AHCYL2: variants seen among roughly 807,000 people sequenced by gnomAD.
AHCYL2 encodes the protein S-adenosylhomocysteine hydrolase-like protein 2.
Under a neutral mutation model 81.4 loss-of-function variants are expected in AHCYL2, and 28 were observed. That is an observed-to-expected ratio of 0.34 (90% CI 0.25 to 0.47). AHCYL2 has a LOEUF of 0.47. AHCYL2 is among the 20% of genes least tolerant of loss of function. The pLI, the probability that AHCYL2 is intolerant of heterozygous loss-of-function variation, is 1.00. For missense variants in AHCYL2, 551 were observed against 785.1 expected (o/e 0.70, Z 3.56); for synonymous variants, 272 against 290.2 (o/e 0.94, Z 0.64).
At chr7:129,424,368 C>T (rs1434143529) in intron 13 of AHCYL2, among the ~76,000 whole-genome samples, 2 of 152,092 alleles carry the variant, frequency 1.3e-5, no homozygotes, top group African/African-American at 4.8e-5. Flanking sequence ...CCATGGAACT[C>T]CAGCCTGGGC....
intron 1 of AHCYL2, among the ~76,000 whole-genome samples, chr7:129,354,273 A>G (rs1458646907): frequency 6.6e-6 from 1 of 152,150 alleles, no homozygotes; most frequent in Non-Finnish European, 1.5e-5. Flanking sequence ...GAGATAGGAG[A>G]AGATGGATGT....
At chr7:129,327,383 A>G (rs1798260766) in intron 1 of AHCYL2, among the ~76,000 whole-genome samples, 1 of 152,220 alleles carries the variant, frequency 6.6e-6, no homozygotes, top group African/African-American at 2.4e-5. Flanking sequence ...ACTGTGAGGA[A>G]TAAATGTCTG....
chr7:129,339,751 A>G (rs1227912704), intron 1 of AHCYL2, among the ~76,000 whole-genome samples: 1 of 151,784 alleles, frequency 6.6e-6, no homozygotes, highest in East Asian at 1.9e-4. Context: ...AGCTGGTCTC[A>G]AAATCCTGGC....
At position 129,397,260 on chromosome 7, in the gene AHCYL2, C is replaced by T. The variant is rs765728857; in HGVS notation, c.759C>T (p.Cys253=). 8 of 1,614,150 alleles carry T rather than the reference C, an allele frequency of 5.0e-6. No individual in the cohort carries two copies. The highest frequency in any genetic ancestry group is 6.8e-6 in the Non-Finnish European group (8 of 1,180,024). Residue 253 remains cysteine (C), a synonymous_variant, in exon 5 of 17, where the codon TGC becomes TGT. Transcript: ENST00000325006. ...METLGALGAQ[C]RWAACNIYST... ...CTCTGGGTGCTCTGGGGGCCCAGTGCCGATGGGCTGCCTGCAACATCTATT... is the reference window on the plus strand; with the variant it reads ...CTCTGGGTGCTCTGGGGGCCCAGTGTCGATGGGCTGCCTGCAACATCTATT...
At chr7:129,226,389 A>G (rs572137754) in intron 1 of AHCYL2, among the ~76,000 whole-genome samples, 3 of 152,362 alleles carry the variant, frequency 2.0e-5, no homozygotes, top group African/African-American at 7.2e-5. Context: ...ATCAGCACAG[A>G]AAAACAGGGC....
At chr7:129,225,871 G>A (rs922613220) in intron 1 of AHCYL2, among the ~76,000 whole-genome samples, 1 of 152,202 alleles carries the variant, frequency 6.6e-6, no homozygotes, top group African/African-American at 2.4e-5. Context: ...AACGAGTAAG[G>A]TGTAGTCACC....
chr7:129,298,726 T>C (rs1228800185), intron 1 of AHCYL2, among the ~76,000 whole-genome samples: 1 of 152,246 alleles, frequency 6.6e-6, no homozygotes, highest in Non-Finnish European at 1.5e-5. Context: ...TTCTACCAAG[T>C]GATTTGTCTA....
At chr7:129,259,486 G>A (rs1795544514) in intron 1 of AHCYL2, among the ~76,000 whole-genome samples, 1 of 152,234 alleles carries the variant, frequency 6.6e-6, no homozygotes, top group South Asian at 2.1e-4. Flanking sequence ...GACTGGAGGA[G>A]AATAATAAAA....
intron 1 of AHCYL2, among the ~76,000 whole-genome samples, chr7:129,345,767 A>G (rs926997862): frequency 1.3e-5 from 2 of 152,196 alleles, no homozygotes; most frequent in Non-Finnish European, 2.9e-5. Flanking sequence ...TACTGGGGCC[A>G]TTTCTGCAAA....
At chr7:129,243,575 TTTTTGTTTTG>T (rs869269744) in intron 1 of AHCYL2, among the ~76,000 whole-genome samples, 3 of 83,328 alleles carry the variant, frequency 3.6e-5, no homozygotes, top group African/African-American at 6.0e-5. Flanking sequence ...TTTGTTTTTG[TTTTTGTTTTG>T]TTTTGTTTTG....
At position 129,429,740 on chromosome 7, in the gene AHCYL2, A is replaced by G. The variant is rs1324847695; in HGVS notation, c.*2695A>G. On this transcript the variant is annotated 3_prime_UTR_variant, in exon 17 of 17. Transcript: ENST00000325006. ...CAAAGAAAAAAAATGTATCTACTCT[A>G]CCTTCCCTCTGCTCTCCTCCCTCCC... The G allele has an allele frequency of 1.3e-5, 2 of 152,302 alleles. No homozygotes were observed. The highest frequency in any genetic ancestry group is 2.9e-5 in the Non-Finnish European group (2 of 67,972). 9.4% of individuals were successfully genotyped at this position (152,302 alleles called of 1,614,324 possible).
chr7:129,225,650 G>T (rs527492133), intron 1 of AHCYL2, among the ~76,000 whole-genome samples: 1 of 152,208 alleles, frequency 6.6e-6, no homozygotes, highest in Non-Finnish European at 1.5e-5. Flanking sequence ...GCCGTACTTC[G>T]CTCTGAATAA....
intron 1 of AHCYL2, among the ~76,000 whole-genome samples, chr7:129,270,253 G>A (rs1584726400): frequency 6.6e-6 from 1 of 152,190 alleles, no homozygotes; most frequent in Non-Finnish European, 1.5e-5. Context: ...CTTGACATAC[G>A]TACCTGCTTG....
At chr7:129,256,120 T>C (rs1795411351) in intron 1 of AHCYL2, among the ~76,000 whole-genome samples, 1 of 152,214 alleles carries the variant, frequency 6.6e-6, no homozygotes, top group African/African-American at 2.4e-5. Flanking sequence ...CTACTTTATT[T>C]TTTCTGATGA....
intron 1 of AHCYL2, among the ~76,000 whole-genome samples, chr7:129,316,618 A>T (rs1229737235): frequency 6.6e-6 from 1 of 152,200 alleles, no homozygotes; most frequent in East Asian, 1.9e-4. Context: ...TGAAGGATTG[A>T]TTTAATATTT....
intron 1 of AHCYL2, among the ~76,000 whole-genome samples, chr7:129,259,163 G>A (rs1166562318): frequency 6.6e-6 from 1 of 152,046 alleles, no homozygotes; most frequent in Non-Finnish European, 1.5e-5. Flanking sequence ...ATAACACTCA[G>A]CACCAAGTCT....
chr7:129,303,353 T>C (rs1170848053), intron 1 of AHCYL2, among the ~76,000 whole-genome samples: 3 of 152,180 alleles, frequency 2.0e-5, no homozygotes, highest in Admixed American at 1.3e-4. Flanking sequence ...TTGATCTGTT[T>C]AGGTTTTAGG....
chr7:129,230,521 C>G (rs1794391796), intron 1 of AHCYL2, among the ~76,000 whole-genome samples: 1 of 151,644 alleles, frequency 6.6e-6, no homozygotes, highest in Non-Finnish European at 1.5e-5. Flanking sequence ...TAAACTGTTG[C>G]TTTTCAATTC....
intron 1 of AHCYL2, among the ~76,000 whole-genome samples, chr7:129,314,948 G>A (rs964535134): frequency 6.6e-6 from 1 of 152,072 alleles, no homozygotes; most frequent in Non-Finnish European, 1.5e-5. Flanking sequence ...CTGAGCCTCA[G>A]TTTCCTCCTG....
Sources: gnomAD v4.1 joint callset for allele counts (sites outside exome capture counted in the v4.1 genomes callset) on GRCh38, gnomAD v4.1.1 for gene constraint, MANE v1.5 for transcripts, NCBI Gene and HGNC (gene_info 2026-07-23, HGNC 2026-07-21) for gene names.